Variants in ASTN1 observed in about 807,000 individuals in gnomAD.
The protein encoded by ASTN1 is astrotactin-1.
A neutral mutation model predicts 140.7 loss-of-function variants in ASTN1; 41 were observed. The observed-to-expected ratio is 0.29, with a 90% CI of 0.23 to 0.38. The LOEUF is 0.38. Ranked by LOEUF, ASTN1 falls within the 10% of genes least tolerant of loss-of-function variation. ASTN1 has a pLI of 1.00. For missense variants in ASTN1, 1,479 were observed against 1,678.8 expected, an observed-to-expected ratio of 0.88 and a Z score of 2.08; for synonymous variants, 640 against 652.2, an observed-to-expected ratio of 0.98 and a Z score of 0.29.
intron 6 of ASTN1, among the ~76,000 whole-genome samples, chr1:177,024,197 T>C (rs2101958528): frequency 6.6e-6 from 1 of 152,310 alleles, no homozygotes; most frequent in African/African-American, 2.4e-5. Flanking sequence ...CACCCAGGCA[T>C]ACAAAACCAA....
chr1:177,054,390 A>T lies in ASTN1; in HGVS notation c.471+6688T>A, dbSNP rs968696520. ...TATGTTATATTTTGATTCTCCTAAC[A>T]TCTCCTAACATCTCTATAAGTTAGG... is the stretch of plus-strand genomic sequence containing the variant. On this transcript the variant is annotated intron_variant, in intron 2 of 22. Transcript: ENST00000361833. Among the ~76,000 whole-genome samples, 3 of 152,344 alleles carry T rather than the reference A, an allele frequency of 2.0e-5. No homozygotes were observed. The Middle Eastern group carries it at 0.01, about 518-fold the overall frequency.
At chr1:176,942,332 T>G (rs1671752564) in intron 14 of ASTN1, among the ~76,000 whole-genome samples, 1 of 152,162 alleles carries the variant, frequency 6.6e-6, no homozygotes. Context: ...ACACAGCCAG[T>G]GAGGAGCTAA....
At chr1:177,134,477 G>A (rs1436814383) in intron 1 of ASTN1, among the ~76,000 whole-genome samples, 2 of 152,124 alleles carry the variant, frequency 1.3e-5, no homozygotes, top group Non-Finnish European at 2.9e-5. Flanking sequence ...CTTGATGTTG[G>A]TCTGTTCCCC....
intron 1 of ASTN1, among the ~76,000 whole-genome samples, chr1:177,149,307 AATATATATATAGTATATATATAGTAAAT>A (rs1682891237): frequency 1.2e-5 from 1 of 85,750 alleles, no homozygotes; most frequent in African/African-American, 5.4e-5. Context: ...ATATATAGTA[AATATATATATAGTATATATATAGTAAAT>A]ATATATATAG....
intron 1 of ASTN1, among the ~76,000 whole-genome samples, chr1:177,075,668 A>G (rs1422524149): frequency 8.8e-6 from 1 of 113,328 alleles, no homozygotes; most frequent in Non-Finnish European, 1.7e-5. Context: ...TTTTTTTGAG[A>G]CAAGGTCTCG....
At chr1:177,148,045 T>G (rs1459915659) in intron 1 of ASTN1, among the ~76,000 whole-genome samples, 2 of 152,192 alleles carry the variant, frequency 1.3e-5, no homozygotes, top group Admixed American at 6.5e-5. Context: ...AAAGGCAAGC[T>G]GGACCACACC....
intron 21 of ASTN1, among the ~76,000 whole-genome samples, chr1:176,870,480 G>C (rs576933838): frequency 6.6e-6 from 1 of 152,298 alleles, no homozygotes; most frequent in South Asian, 2.1e-4. Context: ...TGTCTTACCT[G>C]TTGCCTATGA....
intron 1 of ASTN1, among the ~76,000 whole-genome samples, chr1:177,164,190 A>G (rs6704133): frequency 0.15 from 23,529 of 152,010 alleles, 3,684 homozygotes; most frequent in African/African-American, 0.4. Context: ...CTCAGCATCC[A>G]GGTCGGATTT....
chr1:176,980,882 C>A (rs1673580732), intron 8 of ASTN1, among the ~76,000 whole-genome samples: 1 of 152,036 alleles, frequency 6.6e-6, no homozygotes, highest in South Asian at 2.1e-4. Flanking sequence ...CAAACAATTA[C>A]TGAGGGTTTA....
chr1:177,107,631 A>G (rs1418635132), intron 1 of ASTN1, among the ~76,000 whole-genome samples: 1 of 152,142 alleles, frequency 6.6e-6, no homozygotes, highest in South Asian at 2.1e-4. Context: ...GTGTCTCTCA[A>G]TGAGAGTTAC....
At chr1:177,086,860 T>A (rs547635553) in intron 1 of ASTN1, among the ~76,000 whole-genome samples, 39 of 152,228 alleles carry the variant, frequency 2.6e-4, no homozygotes, top group South Asian at 8.3e-4. Flanking sequence ...GAAATAATAG[T>A]TTTAATTTTG....
intron 8 of ASTN1, among the ~76,000 whole-genome samples, chr1:177,005,647 T>A (rs1372678162): frequency 6.6e-6 from 1 of 152,192 alleles, no homozygotes. Flanking sequence ...ATATATATAA[T>A]GTGTGTACAC....
intron 3 of ASTN1, among the ~76,000 whole-genome samples, chr1:177,031,540 C>T (rs1676447113): frequency 6.6e-6 from 1 of 152,184 alleles, no homozygotes; most frequent in Non-Finnish European, 1.5e-5. Flanking sequence ...CCCATATTCT[C>T]AAGGAATTTT....
At chr1:177,034,656 C>T (rs532860845) in intron 2 of ASTN1, among the ~76,000 whole-genome samples, 6 of 152,124 alleles carry the variant, frequency 3.9e-5, no homozygotes, top group African/African-American at 4.8e-5. Context: ...AAGCCCTGTA[C>T]CACTCATTGA....
intron 1 of ASTN1, among the ~76,000 whole-genome samples, chr1:177,147,391 A>T (rs1435396578): frequency 6.6e-6 from 1 of 152,190 alleles, no homozygotes; most frequent in African/African-American, 2.4e-5. Context: ...CTGTGGACAC[A>T]GATAACTAAG....
chr1:176,882,114 A>G (rs1668826977), intron 20 of ASTN1, among the ~76,000 whole-genome samples: 1 of 152,204 alleles, frequency 6.6e-6, no homozygotes, highest in Non-Finnish European at 1.5e-5. Flanking sequence ...TTTCCAGAGC[A>G]CAGGGAGAAA....
In ASTN1 at chr1:176,946,188, G is replaced by A. The variant is rs572842783; in HGVS notation, c.2055-68C>T. 6.5e-5 allele frequency: 89 copies of A among 1,361,270 alleles called. 1 individual carries two copies. The highest frequency in any genetic ancestry group is 8.3e-5 in the Non-Finnish European group (85 of 1,021,314). The allele number at this position is 1,361,270 out of a possible 1,614,324, so 84.3% of individuals were successfully genotyped here. A position where few individuals can be genotyped will look rare whatever the true frequency, so the allele number is the denominator to read the frequency against. On this transcript the variant is annotated intron_variant, in intron 12 of 22. Coordinates refer to ENST00000361833, the MANE Select transcript of ASTN1 (RefSeq NM_004319.3). ...TGACCCATGCAGGCAAGTCAACCCC[G>A]TATATTGGGAGGAAATGCCTTTGAC...
chr1:177,035,391 A>G (rs1191794849), intron 2 of ASTN1, among the ~76,000 whole-genome samples: 1 of 152,230 alleles, frequency 6.6e-6, no homozygotes, highest in Non-Finnish European at 1.5e-5. Flanking sequence ...TCAGTTCTGG[A>G]AGAAAAAAAG....
chr1:176,857,777 T>C (rs1459627615), downstream of ASTN1: 3 of 408,024 alleles, frequency 7.4e-6, no homozygotes, highest in Non-Finnish European at 1.3e-5. Context: ...TGATTAGGAG[T>C]ATGTGCTTTA....
Sources: gnomAD v4.1 joint callset for allele counts (sites outside exome capture counted in the v4.1 genomes callset) on GRCh38, gnomAD v4.1.1 for gene constraint, MANE v1.5 for transcripts, NCBI Gene and HGNC (gene_info 2026-07-23, HGNC 2026-07-21) for gene names.